The following F13A1 variants were observed in gnomAD, a reference collection of about 807,000 sequenced individuals.
F13A1 encodes FSF, A subunit.
In F13A1, 47 loss-of-function variants were observed where a neutral mutation model predicts 80.1. That is an observed-to-expected ratio of 0.59 (90% CI 0.46 to 0.75). F13A1 has a LOEUF of 0.75. Ranked by LOEUF, F13A1 falls within the 30% of genes least tolerant of loss-of-function variation. F13A1 has a pLI of 0.00. For synonymous variants in F13A1, 349 were observed against 344.9 expected (o/e 1.01, Z -0.13); for missense variants, 817 against 930.4 (o/e 0.88, Z 1.59).
chr6:6,265,425 G>A (rs1391428298), intron 4 of F13A1, among the ~76,000 whole-genome samples: 2 of 152,294 alleles, frequency 1.3e-5, no homozygotes, highest in East Asian at 1.9e-4. Flanking sequence ...ATCTGCATCT[G>A]CCTCTGGAAC....
chr6:6,226,420 A>T (rs941998105), intron 6 of F13A1, among the ~76,000 whole-genome samples: 4 of 152,252 alleles, frequency 2.6e-5, no homozygotes, highest in Admixed American at 6.5e-5. Context: ...TTAGAAGCAC[A>T]GGTCTGAGTT....
intron 7 of F13A1, among the ~76,000 whole-genome samples, chr6:6,223,057 C>T (rs905621564): frequency 1.3e-5 from 2 of 152,188 alleles, no homozygotes; most frequent in African/African-American, 4.8e-5. Context: ...CATTCTGTTT[C>T]TGGCTGAACA....
At chr6:6,249,951 C>T (rs751397985) in intron 5 of F13A1, among the ~76,000 whole-genome samples, 27 of 152,064 alleles carry the variant, frequency 1.8e-4, no homozygotes, top group African/African-American at 5.1e-4. Flanking sequence ...CAGGATAACA[C>T]GGGTACTGGA....
chr6:6,152,200 G>T (rs914665163), intron 13 of F13A1, among the ~76,000 whole-genome samples: 1 of 152,154 alleles, frequency 6.6e-6, no homozygotes, highest in Non-Finnish European at 1.5e-5. Flanking sequence ...GGTCAATAGC[G>T]GTGGCCACTG....
At chr6:6,279,785 C>T (rs972301223) in intron 3 of F13A1, among the ~76,000 whole-genome samples, 2 of 152,102 alleles carry the variant, frequency 1.3e-5, no homozygotes, top group East Asian at 1.9e-4. Flanking sequence ...AGGCTCATTT[C>T]GTTAAAATCA....
rs778279827 is a variant in F13A1 at position 6,290,461 on chromosome 6, A to G, written c.319+14890T>C. Among the ~76,000 whole-genome samples, 10 of 152,212 alleles carry G rather than the reference A, an allele frequency of 6.6e-5. 1 individual carries two copies. The highest frequency in any genetic ancestry group is 6.5e-4 in the Admixed American group (10 of 15,278). Reference sequence around the variant, plus strand: ...GGTATTATAAAAATAAAAATGTGGTAGGGTAGTGTTTATAGTAGAACAATT... The same window carrying G: ...GGTATTATAAAAATAAAAATGTGGTGGGGTAGTGTTTATAGTAGAACAATT... On this transcript the variant is annotated intron_variant, in intron 3 of 14. Transcript: ENST00000264870.
At chr6:6,158,671 A>C (rs1469676373) in intron 13 of F13A1, among the ~76,000 whole-genome samples, 2 of 152,100 alleles carry the variant, frequency 1.3e-5, no homozygotes, top group African/African-American at 2.4e-5. Context: ...AGCCACAGAG[A>C]GTGCAGGAGG....
At chr6:6,294,907 A>C (rs1447064250) in intron 3 of F13A1, among the ~76,000 whole-genome samples, 2 of 93,292 alleles carry the variant, frequency 2.1e-5, no homozygotes, top group East Asian at 4.1e-4. Flanking sequence ...CCCCCACCCC[A>C]CAACAGGCCC....
intron 4 of F13A1, 138 bp from the exon 5 acceptor site, chr6:6,251,067 G>A: frequency 2.6e-6 from 2 of 760,038 alleles, no homozygotes; most frequent in South Asian, 2.7e-5. Flanking sequence ...GTTTCACCAA[G>A]CATAGCTCAT....
intron 4 of F13A1, among the ~76,000 whole-genome samples, chr6:6,259,630 G>A (rs1172050805): frequency 6.6e-6 from 1 of 152,192 alleles, no homozygotes; most frequent in African/African-American, 2.4e-5. Context: ...AGATGGTAAG[G>A]TCTGAGATTA....
chr6:6,280,401 A>G (rs548400905), intron 3 of F13A1, among the ~76,000 whole-genome samples: 102 of 152,244 alleles, frequency 6.7e-4, no homozygotes, highest in Non-Finnish European at 6.8e-4. Flanking sequence ...GACAACAAAT[A>G]TGGAACTCAA....
intron 2 of F13A1, among the ~76,000 whole-genome samples, chr6:6,307,791 T>C (rs971706049): frequency 1.3e-5 from 2 of 152,162 alleles, no homozygotes; most frequent in Admixed American, 6.5e-5. Flanking sequence ...CATTTTTTCA[T>C]AGGGCAAACA....
intron 14 of F13A1, among the ~76,000 whole-genome samples, chr6:6,149,778 A>G (rs770598267): frequency 7.2e-5 from 11 of 152,202 alleles, no homozygotes; most frequent in Non-Finnish European, 1.0e-4. Flanking sequence ...CTCTCTGTCT[A>G]TCTACTTGTC....
At chr6:6,314,050 C>T (rs545450114) in intron 2 of F13A1, among the ~76,000 whole-genome samples, 38 of 149,948 alleles carry the variant, frequency 2.5e-4, no homozygotes, top group Admixed American at 6.7e-4. Context: ...GGCACAATCT[C>T]GGCTCACTGC....
At chr6:6,158,918 T>TTTTTC (rs10668357) in intron 13 of F13A1, among the ~76,000 whole-genome samples, 3 of 146,810 alleles carry the variant, frequency 2.0e-5, no homozygotes, top group African/African-American at 2.5e-5. Flanking sequence ...TTTTTTTTTT[T>TTTTTC]CGAGACGGAG....
At chr6:6,295,071 A>T (rs1051711074) in intron 3 of F13A1, among the ~76,000 whole-genome samples, 4 of 146,924 alleles carry the variant, frequency 2.7e-5, no homozygotes, top group Admixed American at 1.3e-4. Flanking sequence ...AAAGGACATG[A>T]ACTCATCCTT....
intron 8 of F13A1, among the ~76,000 whole-genome samples, chr6:6,219,428 G>A (rs1321882843): frequency 6.6e-6 from 1 of 152,070 alleles, no homozygotes; most frequent in East Asian, 1.9e-4. Flanking sequence ...TACCTCTATG[G>A]TAAGCACTCT....
At position 6,222,052 on chromosome 6, in the gene F13A1, G is replaced by A; in HGVS notation, c.1093C>T (p.Leu365Phe). The change falls in exon 8 of 15, where the codon CTC becomes TTC. Residue 365 changes from leucine (L) to phenylalanine (F), a missense_variant. Coordinates refer to ENST00000264870, the MANE Select transcript of F13A1 (RefSeq NM_000129.4). ...LEEDGNVNSK[L>F]TKDSVWNYHC... is the part of the protein sequence containing the mutation. ...ACTCACCACACTGAATCCTTGGTGA[G>A]TTTGGAATTCACGTTCCCATCTTCT... The A allele has an allele frequency of 6.2e-7, 1 of 1,613,998 alleles. No individual in the cohort carries two copies. The highest frequency in any genetic ancestry group is 1.3e-5 in the African/African-American group (1 of 75,052).
intron 8 of F13A1, chr6:6,206,443 C>CT (rs1429170211): frequency 4.3e-6 from 2 of 469,934 alleles, no homozygotes; most frequent in Admixed American, 2.4e-5. Flanking sequence ...ATGATTCCCA[C>CT]TTTTTTTCCC....
Sources: gnomAD v4.1 joint callset for allele counts (sites outside exome capture counted in the v4.1 genomes callset) on GRCh38, gnomAD v4.1.1 for gene constraint, MANE v1.5 for transcripts, NCBI Gene and HGNC (gene_info 2026-07-23, HGNC 2026-07-21) for gene names.